The following AFF1 variants were observed in gnomAD, a reference collection of about 807,000 sequenced individuals.
AFF1 encodes AF4/FMR2 family member 1.
A neutral mutation model predicts 121.7 loss-of-function variants in AFF1; 48 were observed. The ratio of observed to expected loss-of-function variants is 0.39; its 90% CI spans 0.31 to 0.50. The LOEUF (loss-of-function observed/expected upper bound fraction) is 0.50, where lower values mean the gene tolerates loss of function less well. Among genes scored for constraint, AFF1 ranks in the 20% least tolerant of loss-of-function variants. The pLI is 0.76. For missense variants in AFF1, 1,523 were observed against 1,511.7 expected (o/e 1.01, Z -0.12); for synonymous variants, 613 against 563.0 (o/e 1.09, Z -1.26).
chr4:86,947,390 C>G (rs779412173), intron 1 of AFF1, among the ~76,000 whole-genome samples: 3 of 152,084 alleles, frequency 2.0e-5, no homozygotes, highest in Non-Finnish European at 2.9e-5. Flanking sequence ...AAGACCTTAT[C>G]GGGAGTAAGA....
Position 86,935,119 on chromosome 4 carries a change from C to T in AFF1, c.-158C>T, listed in dbSNP as rs961462747. 1 of 152,266 alleles carries T rather than the reference C, an allele frequency of 6.6e-6. No individual in the cohort carries two copies. The highest frequency in any genetic ancestry group is 3.2e-3 in the Middle Eastern group (1 of 314). 9.4% of individuals were successfully genotyped at this position (152,266 alleles called of 1,614,324 possible). ...GCCTCCGCGGTTCCGCAGCCGAGCC[C>T]CGGGAGGAGGCGCTCCCCTGCGTCG... is the stretch of plus-strand genomic sequence containing the variant. On this transcript the variant is annotated 5_prime_UTR_variant, in exon 1 of 21. Coordinates refer to ENST00000395146, the MANE Select transcript of AFF1 (RefSeq NM_001166693.3).
chr4:87,030,324 G>A (rs78706725), intron 2 of AFF1, among the ~76,000 whole-genome samples: 3 of 152,310 alleles, frequency 2.0e-5, no homozygotes, highest in Admixed American at 6.5e-5. Flanking sequence ...AGCAGATGAG[G>A]ATCACTATGT....
chr4:87,024,478 G>C (rs1324294734), intron 2 of AFF1, among the ~76,000 whole-genome samples: 4 of 152,090 alleles, frequency 2.6e-5, no homozygotes, highest in African/African-American at 9.7e-5. Context: ...GGAGAGAGAT[G>C]GTAGGGTATT....
At chr4:87,074,828 C>G (rs1722487839) in intron 4 of AFF1, among the ~76,000 whole-genome samples, 1 of 152,146 alleles carries the variant, frequency 6.6e-6, no homozygotes, top group Admixed American at 6.5e-5. Flanking sequence ...GTTACTGCTT[C>G]TCTCATTATT....
intron 2 of AFF1, among the ~76,000 whole-genome samples, chr4:86,963,963 G>GTTTTTTT (rs3035477): frequency 4.8e-5 from 5 of 104,362 alleles, no homozygotes; most frequent in South Asian, 3.4e-4. Flanking sequence ...GACTAGACTG[G>GTTTTTTT]TTTTTTTTTT....
chr4:86,982,388 CTTTTTT>C (rs70953632), intron 2 of AFF1, among the ~76,000 whole-genome samples: 4,033 of 58,818 alleles, frequency 0.069, 309 homozygotes, highest in African/African-American at 0.22. Context: ...AAAAAATTGG[CTTTTTT>C]TTTTTTTTTT....
chr4:87,124,252 A>G (rs1011525208), intron 12 of AFF1, among the ~76,000 whole-genome samples: 3 of 152,204 alleles, frequency 2.0e-5, no homozygotes, highest in Non-Finnish European at 4.4e-5. Context: ...CCTACTTTCA[A>G]GCTACCAAGT....
At chr4:87,127,148 G>A (rs1191357249) in intron 15 of AFF1, 31 bp downstream of exon 15, 5 of 1,297,742 alleles carry the variant, frequency 3.9e-6, no homozygotes, top group Non-Finnish European at 5.4e-6. Context: ...TTCTTGCTCT[G>A]TTTTGTTTTG....
chr4:87,021,130 T>C (rs1260663435), intron 2 of AFF1, among the ~76,000 whole-genome samples: 1 of 152,232 alleles, frequency 6.6e-6, no homozygotes, highest in Non-Finnish European at 1.5e-5. Flanking sequence ...CTCAGAATTT[T>C]TGTGGCTGTT....
At chr4:86,998,636 TC>T (rs1459822467) in intron 2 of AFF1, among the ~76,000 whole-genome samples, 9 of 152,192 alleles carry the variant, frequency 5.9e-5, no homozygotes, top group East Asian at 1.9e-4. Context: ...TGTTTTTTTT[TC>T]CTTTTAAAAA....
chr4:87,111,801 A>AT (rs1176680785), intron 11 of AFF1, among the ~76,000 whole-genome samples: 1 of 152,114 alleles, frequency 6.6e-6, no homozygotes, highest in Non-Finnish European at 1.5e-5. Flanking sequence ...CAACTACTCA[A>AT]TTTTACCCTC....
At chr4:86,944,560 C>T (rs974188117) in intron 1 of AFF1, among the ~76,000 whole-genome samples, 7 of 152,012 alleles carry the variant, frequency 4.6e-5, no homozygotes, top group Non-Finnish European at 7.4e-5. Flanking sequence ...TAACCAGGAT[C>T]GTCTTGATTT....
chr4:86,949,178 A>AT (rs1264198970), intron 2 of AFF1, among the ~76,000 whole-genome samples: 20 of 106,936 alleles, frequency 1.9e-4, no homozygotes, highest in East Asian at 8.7e-4. Context: ...ATATATATAT[A>AT]TATTTTTTTT....
intron 19 of AFF1, among the ~76,000 whole-genome samples, chr4:87,133,704 C>T (rs963476890): frequency 3.3e-5 from 5 of 152,226 alleles, no homozygotes; most frequent in African/African-American, 9.6e-5. Context: ...CTGCTAGGTC[C>T]GTGCAGCCCA....
intron 1 of AFF1, among the ~76,000 whole-genome samples, chr4:86,938,784 T>G (rs1045279219): frequency 6.6e-6 from 1 of 152,246 alleles, no homozygotes; most frequent in Non-Finnish European, 1.5e-5. Flanking sequence ...CAGATTGTTA[T>G]AGACTTGACA....
intron 2 of AFF1, among the ~76,000 whole-genome samples, chr4:87,030,118 A>C (rs1260468692): frequency 6.6e-6 from 1 of 150,704 alleles, no homozygotes; most frequent in Non-Finnish European, 1.5e-5. Context: ...CTATTCCTTT[A>C]GGCTTTAAAT....
chr4:87,062,590 A>G (rs1720895456), intron 4 of AFF1, among the ~76,000 whole-genome samples: 1 of 152,224 alleles, frequency 6.6e-6, no homozygotes, highest in Admixed American at 6.5e-5. Context: ...TGTTTACAAT[A>G]CCAAGTCCAA....
At chr4:86,974,207 G>T (rs1258058148) in intron 2 of AFF1, 2 of 152,272 alleles carry the variant, frequency 1.3e-5, no homozygotes. Flanking sequence ...GAGTGCAGTG[G>T]TGTGATCTTG....
At chr4:87,075,145 C>T (rs1381020554) in intron 4 of AFF1, among the ~76,000 whole-genome samples, 1 of 152,082 alleles carries the variant, frequency 6.6e-6, no homozygotes, top group East Asian at 1.9e-4. Flanking sequence ...TCTAATTATT[C>T]ATATTAATCT....
Sources: gnomAD v4.1 joint callset for allele counts (sites outside exome capture counted in the v4.1 genomes callset) on GRCh38, gnomAD v4.1.1 for gene constraint, MANE v1.5 for transcripts, NCBI Gene and HGNC (gene_info 2026-07-23, HGNC 2026-07-21) for gene names.